The following CBFA2T2 variants were observed in gnomAD, a reference collection of about 807,000 sequenced individuals.
CBFA2T2 encodes the protein CBFA2/RUNX1 partner transcriptional co-repressor 2.
Under a neutral mutation model 62.2 loss-of-function variants are expected in CBFA2T2, and 11 were observed. The observed-to-expected ratio is 0.18, with a 90% CI of 0.11 to 0.29. The LOEUF (loss-of-function observed/expected upper bound fraction) is 0.29. CBFA2T2 is among the 10% of genes least tolerant of loss of function. CBFA2T2 has a pLI of 1.00. For missense variants in CBFA2T2, 592 were observed against 774.1 expected, an observed-to-expected ratio of 0.76 and a Z score of 2.79; for synonymous variants, 295 against 287.5, an observed-to-expected ratio of 1.03 and a Z score of -0.27.
intron 1 of CBFA2T2, among the ~76,000 whole-genome samples, chr20:33,568,825 C>G (rs2013440954): frequency 6.6e-6 from 1 of 152,214 alleles, no homozygotes; most frequent in Non-Finnish European, 1.5e-5. Flanking sequence ...CACCACAACC[C>G]CAACCTCTAT....
intron 1 of CBFA2T2, among the ~76,000 whole-genome samples, chr20:33,595,452 C>T (rs1011238407): frequency 2.6e-5 from 4 of 152,086 alleles, no homozygotes; most frequent in Admixed American, 6.6e-5. Context: ...CCTTGTGATC[C>T]GCCCACCTCG....
rs1228185008 is a variant in CBFA2T2 at position 33,647,476 on chromosome 20, G to A, written c.*2830G>A. ...ATTTTGTATTTTTAGTAGAGACGGG[G>A]TTTCTCCTTGTTGGTCAGGCTGGTC... On this transcript the variant is annotated 3_prime_UTR_variant, in exon 11 of 11. Transcript: ENST00000342704. The A allele has an allele frequency of 6.6e-6, 1 of 152,160 alleles. No individual in the cohort carries two copies. Among genetic ancestry groups the A allele is most frequent in the Non-Finnish European group, 1.5e-5 (1 of 68,066 alleles). The allele number at this position is 152,160 out of a possible 1,614,324, so 9.4% of individuals were successfully genotyped here.
chr20:33,544,623 C>G (rs994190392), intron 1 of CBFA2T2, among the ~76,000 whole-genome samples: 1 of 152,118 alleles, frequency 6.6e-6, no homozygotes, highest in Admixed American at 6.6e-5. Flanking sequence ...TCTCGGCTCA[C>G]TGTAACCTCC....
chr20:33,509,249 C>T (rs2011461661), intron 1 of CBFA2T2, among the ~76,000 whole-genome samples: 1 of 151,954 alleles, frequency 6.6e-6, no homozygotes, highest in African/African-American at 2.4e-5. Context: ...CACCTGTAGT[C>T]CTAGCTACTT....
intron 10 of CBFA2T2, among the ~76,000 whole-genome samples, chr20:33,641,127 G>T (rs1422178306): frequency 6.6e-6 from 1 of 152,018 alleles, no homozygotes; most frequent in Non-Finnish European, 1.5e-5. Context: ...CCACCTCCTG[G>T]GTTCACGCCA....
intron 7 of CBFA2T2, 32 bp from the exon 8 acceptor site, chr20:33,629,687 C>T (rs757524388): frequency 2.5e-6 from 4 of 1,587,076 alleles, no homozygotes; most frequent in South Asian, 1.1e-5. Context: ...ATGTTCTTAT[C>T]TCATCTCTGC....
At chr20:33,559,013 A>T (rs2013003951) in intron 1 of CBFA2T2, among the ~76,000 whole-genome samples, 1 of 152,158 alleles carries the variant, frequency 6.6e-6, no homozygotes, top group Non-Finnish European at 1.5e-5. Context: ...GGAAAGACAG[A>T]TGAAATGCTT....
intron 3 of CBFA2T2, among the ~76,000 whole-genome samples, chr20:33,614,398 A>G (rs890827799): frequency 2.0e-5 from 3 of 152,166 alleles, no homozygotes; most frequent in Non-Finnish European, 2.9e-5. Flanking sequence ...AATTTATACA[A>G]TTGCTTTTTT....
chr20:33,633,214 C>G (rs1447960200), intron 8 of CBFA2T2, among the ~76,000 whole-genome samples: 5 of 151,610 alleles, frequency 3.3e-5, no homozygotes, highest in Non-Finnish European at 5.9e-5. Flanking sequence ...CTACTAAAAA[C>G]AAAAAAAGTT....
At chr20:33,573,551 A>T (rs1418062068) in intron 1 of CBFA2T2, among the ~76,000 whole-genome samples, 2 of 150,346 alleles carry the variant, frequency 1.3e-5, no homozygotes, top group Middle Eastern at 3.5e-3. Flanking sequence ...GCGTGATCTT[A>T]GCTCACTGCA....
chr20:33,544,276 T>G (rs1383897257), intron 1 of CBFA2T2, among the ~76,000 whole-genome samples: 6 of 152,292 alleles, frequency 3.9e-5, no homozygotes, highest in African/African-American at 1.4e-4. Flanking sequence ...CTTCTTGCAG[T>G]TCCTTGAAGA....
At chr20:33,623,760 T>C (rs2016092934) in intron 5 of CBFA2T2, 1 of 710,144 alleles carries the variant, frequency 1.4e-6, no homozygotes, top group Non-Finnish European at 2.6e-6. Flanking sequence ...TTTTGCTTTA[T>C]TCCAATACCT....
At chr20:33,613,375 C>G (rs1361183759) in intron 3 of CBFA2T2, among the ~76,000 whole-genome samples, 4 of 152,206 alleles carry the variant, frequency 2.6e-5, no homozygotes, top group African/African-American at 7.2e-5. Context: ...GTGCTCACAG[C>G]TAAGATCTAT....
intron 1 of CBFA2T2, among the ~76,000 whole-genome samples, chr20:33,570,959 G>T (rs2013537959): frequency 6.6e-6 from 1 of 152,146 alleles, no homozygotes; most frequent in Non-Finnish European, 1.5e-5. Context: ...CAAGTGCTTT[G>T]TCGGGGCCCC....
At chr20:33,583,532 A>T (rs1177514705) in intron 1 of CBFA2T2, among the ~76,000 whole-genome samples, 1 of 152,232 alleles carries the variant, frequency 6.6e-6, no homozygotes, top group Non-Finnish European at 1.5e-5. Flanking sequence ...TTCCCTTTAA[A>T]TTAAATAATT....
intron 1 of CBFA2T2, among the ~76,000 whole-genome samples, chr20:33,494,369 C>T (rs2011178020): frequency 7.2e-6 from 1 of 138,918 alleles, no homozygotes; most frequent in Admixed American, 7.4e-5. Context: ...GCAAGCTCCA[C>T]CTCCTGGGTT....
chr20:33,613,833 A>G (rs1000064289), intron 3 of CBFA2T2, among the ~76,000 whole-genome samples: 1 of 152,232 alleles, frequency 6.6e-6, no homozygotes, highest in African/African-American at 2.4e-5. Context: ...ATGAGCTTGA[A>G]CATAATTGGA....
rs1313639469 is a variant in CBFA2T2, at chr20:33,628,447, G to A, written c.1032+12G>A. 6.3e-7 allele frequency: 1 copy of A among 1,578,950 alleles called. No individual in the cohort carries two copies. The highest frequency in any genetic ancestry group is 2.2e-5 in the East Asian group (1 of 44,734). On this transcript the variant is annotated intron_variant, in intron 7 of 10. Coordinates refer to ENST00000342704, the MANE Select transcript of CBFA2T2 (RefSeq NM_001032999.3). ...AACATCTTGACCATGTAAGAATCTT[G>A]TAGTGTGTAATGTCCCTAACTCTTT...
chr20:33,509,810 T>G (rs900074915), intron 1 of CBFA2T2, among the ~76,000 whole-genome samples: 1 of 151,398 alleles, frequency 6.6e-6, no homozygotes, highest in Non-Finnish European at 1.5e-5. Flanking sequence ...GCCTGGGAGA[T>G]AGAGTAAAAC....
Sources: allele counts gnomAD v4.1 joint callset (sites outside exome capture counted in the v4.1 genomes callset), GRCh38; gene constraint gnomAD v4.1.1; transcripts MANE v1.5; gene names NCBI Gene and HGNC (gene_info 2026-07-23, HGNC 2026-07-21).